MNS1: variants seen among roughly 807,000 people sequenced by gnomAD.
MNS1 encodes the protein meiosis specific nuclear structural 1, also known as meiosis-specific nuclear structural protein 1.
MNS1 carries 63 observed loss-of-function variants against 72.0 expected under a neutral mutation model. The observed-to-expected ratio is 0.87, with a 90% CI of 0.71 to 1.08. The LOEUF (loss-of-function observed/expected upper bound fraction) is 1.08. Ranked by LOEUF, MNS1 falls within the 50% of genes least tolerant of loss-of-function variation. The probability of loss-of-function intolerance (pLI) is 0.00; values close to 1 mark genes in which losing one functional copy is unlikely to be tolerated. For synonymous variants in MNS1, 188 were observed against 172.1 expected (o/e 1.09, Z -0.72); for missense variants, 604 against 562.4 (o/e 1.07, Z -0.75).
intron 3 of MNS1, among the ~76,000 whole-genome samples, chr15:56,452,772 C>T (rs2050956459): frequency 6.6e-6 from 1 of 152,136 alleles, no homozygotes; most frequent in African/African-American, 2.4e-5. Flanking sequence ...CTCACCTCGG[C>T]CTCCCAAAGT....
intron 2 of MNS1, among the ~76,000 whole-genome samples, chr15:56,461,975 G>GTTGTTTTT (rs1555449789): frequency 1.0e-4 from 10 of 97,890 alleles, no homozygotes; most frequent in African/African-American, 3.8e-4. Flanking sequence ...TTTTGTTGTT[G>GTTGTTTTT]TTTTTTTTTT....
At position 56,443,824 on chromosome 15, in the gene MNS1, A is replaced by G. The variant is rs1596262341; in HGVS notation, c.717T>C (p.Asn239=). 1 of 1,604,322 alleles carries G rather than the reference A, an allele frequency of 6.2e-7. No individual in the cohort carries two copies. Among genetic ancestry groups the G allele is most frequent in the Non-Finnish European group, 8.5e-7 (1 of 1,176,796 alleles). Residue 239 remains asparagine, a synonymous_variant, in exon 6 of 10, where the codon AAT becomes AAC. Coordinates refer to ENST00000260453, the MANE Select transcript of MNS1 (RefSeq NM_018365.4). ...LEKQQKLEKM[N]AMRRYIEEFQ... ...ACTCTTCTATATACCTTCGCATTGC[A>G]TTCATTTTTTCTAACTTTTGTTGTT... is the stretch of plus-strand genomic sequence containing the variant.
At chr15:56,463,579 C>A (rs2051036495) in intron 2 of MNS1, among the ~76,000 whole-genome samples, 1 of 151,974 alleles carries the variant, frequency 6.6e-6, no homozygotes, top group Non-Finnish European at 1.5e-5. Context: ...GTTAGGAGTT[C>A]GAGATCAGCC....
At chr15:56,464,943 T>C in intron 1 of MNS1, 27 bp downstream of exon 1, 1 of 1,611,000 alleles carries the variant, frequency 6.2e-7, no homozygotes, top group South Asian at 1.1e-5. Flanking sequence ...AATAAACAAG[T>C]AGTTTCAAGT....
At position 56,447,003 on chromosome 15, in the gene MNS1, C is replaced by G. The variant is rs1182521587; in HGVS notation, c.354-60G>C. On this transcript the variant is annotated intron_variant, in intron 3 of 9. Coordinates refer to ENST00000260453, the MANE Select transcript of MNS1 (RefSeq NM_018365.4). ...GGACCATAAGAGAATGAAAACCTCA[C>G]AGAAAACTGAGTAACTGTATTTTTA... is the stretch of plus-strand genomic sequence containing the variant. 5 of 1,158,188 alleles carry G rather than the reference C, an allele frequency of 4.3e-6. No individual in the cohort carries two copies. In the African/African-American group the frequency reaches 6.1e-5, roughly 14 times the overall value. 71.7% of individuals were successfully genotyped at this position (1,158,188 alleles called of 1,614,324 possible).
intron 7 of MNS1, among the ~76,000 whole-genome samples, chr15:56,441,976 C>A (rs573577279): frequency 1.3e-5 from 2 of 152,024 alleles, no homozygotes; most frequent in Admixed American, 6.6e-5. Context: ...GCCGAGATCA[C>A]GCCACTGCAC....
rs2051043655 is a variant in MNS1, at chr15:56,464,258, A to G, written c.4-11T>C. Reference sequence around the variant, plus strand: ...TCTCCTTTTGGAACCCTACGATGGAAGAAAAAAAAAGATGCATATTTTGAT... The same window carrying G: ...TCTCCTTTTGGAACCCTACGATGGAGGAAAAAAAAAGATGCATATTTTGAT... On this transcript the variant is annotated splice_polypyrimidine_tract_variant and intron_variant, in intron 1 of 9. Coordinates refer to ENST00000260453, the MANE Select transcript of MNS1 (RefSeq NM_018365.4). 2 of 1,537,024 alleles carry G rather than the reference A, an allele frequency of 1.3e-6. No individual in the cohort carries two copies. Among genetic ancestry groups the G allele is most frequent in the Non-Finnish European group, 1.8e-6 (2 of 1,134,342 alleles).
chr15:56,433,479 T>C (rs1281344051), intron 8 of MNS1, among the ~76,000 whole-genome samples: 3 of 152,120 alleles, frequency 2.0e-5, no homozygotes, highest in Non-Finnish European at 4.4e-5. Context: ...GGGGTAGCCT[T>C]AAGTCTTCTC....
chr15:56,460,907 A>C (rs1401251018), intron 2 of MNS1, among the ~76,000 whole-genome samples: 1 of 152,158 alleles, frequency 6.6e-6, no homozygotes, highest in African/African-American at 2.4e-5. Flanking sequence ...AAGTTCTAAG[A>C]TCTGCAAGGT....
chr15:56,443,961 C>T (rs564546961), intron 5 of MNS1, 107 bp from the exon 6 acceptor site: 21 of 861,776 alleles, frequency 2.4e-5, no homozygotes, highest in Middle Eastern at 7.1e-4. Context: ...TTTTTTCATT[C>T]GTGCATGCAA....
In MNS1 at chr15:56,464,015, GT is replaced by G. The variant is rs776250667; in HGVS notation, c.225+10del. 2 of 1,593,660 alleles carry G rather than the reference GT, an allele frequency of 1.3e-6. No individual in the cohort carries two copies. The highest frequency in any genetic ancestry group is 1.4e-5 in the African/African-American group (1 of 73,752). ...ATGAAAAAAAAAGTAACAATGAATAGTAAAACTTACCTTTTGAATGGCCTCT... is the reference window on the plus strand; with the variant it reads ...ATGAAAAAAAAAGTAACAATGAATAGAAAACTTACCTTTTGAATGGCCTCT... On this transcript the variant is annotated intron_variant, in intron 2 of 9. Transcript: ENST00000260453.
Position 56,443,513 on chromosome 15 carries a change from G to A in MNS1, c.928C>T (p.Leu310=). 1 of 1,597,972 alleles carries A rather than the reference G, an allele frequency of 6.3e-7. No individual in the cohort carries two copies. Among genetic ancestry groups the A allele is most frequent in the Non-Finnish European group, 8.5e-7 (1 of 1,175,424 alleles). Residue 310 remains leucine (L), a synonymous_variant, in exon 7 of 10, where the codon CTG becomes TTG. Transcript: ENST00000260453. ...NALTQKLEEM[L]RQREDLEQVR... ...TGTTCCAAATCTTCACGTTGCCGCA[G>A]CATTTCTTCTAATTTCTGTGTCAAC... is the stretch of plus-strand genomic sequence containing the variant.
chr15:56,461,170 G>T (rs1239487658), intron 2 of MNS1, among the ~76,000 whole-genome samples: 7 of 152,092 alleles, frequency 4.6e-5, no homozygotes, highest in Admixed American at 2.0e-4. Context: ...AGGGCAATGT[G>T]CTTTATACTC....
intron 7 of MNS1, among the ~76,000 whole-genome samples, chr15:56,436,174 C>CA (rs1286054812): frequency 6.6e-6 from 1 of 152,122 alleles, no homozygotes; most frequent in Non-Finnish European, 1.5e-5. Context: ...CACCACACCG[C>CA]ACTTATTCCA....
intron 2 of MNS1, 98 bp from the exon 3 acceptor site, chr15:56,456,619 G>T: frequency 8.7e-7 from 1 of 1,147,958 alleles, no homozygotes; most frequent in Non-Finnish European, 1.3e-6. Context: ...ATGCCTTAAG[G>T]CCAACAATTG....
At chr15:56,438,196 T>G (rs2050760877) in intron 7 of MNS1, among the ~76,000 whole-genome samples, 1 of 152,148 alleles carries the variant, frequency 6.6e-6, no homozygotes, top group Non-Finnish European at 1.5e-5. Context: ...GGAGGCATCA[T>G]GCTACCTGAA....
At chr15:56,432,269 T>TA (rs1431899243) in intron 8 of MNS1, among the ~76,000 whole-genome samples, 1 of 152,182 alleles carries the variant, frequency 6.6e-6, no homozygotes, top group Non-Finnish European at 1.5e-5. Context: ...GAAAAATTTA[T>TA]AGTAAATTAA....
chr15:56,460,009 A>AAAAAAAAAAAAAAATATATATATATAT, intron 2 of MNS1, among the ~76,000 whole-genome samples: 3 of 26,386 alleles, frequency 1.1e-4, no homozygotes, highest in African/African-American at 3.0e-4. Flanking sequence ...AAAAAAAAAA[A>AAAAAAAAAAAAAAATATATATATATAT]ATACATATAT....
intron 2 of MNS1, among the ~76,000 whole-genome samples, chr15:56,462,001 T>G (rs1567155379): frequency 1.1e-4 from 15 of 142,588 alleles, no homozygotes; most frequent in African/African-American, 3.1e-4. Context: ...TTTTTTTTTT[T>G]TTTTTTTTTG....
Sources: gnomAD v4.1 joint callset for allele counts (sites outside exome capture counted in the v4.1 genomes callset) on GRCh38, gnomAD v4.1.1 for gene constraint, MANE v1.5 for transcripts, NCBI Gene and HGNC (gene_info 2026-07-23, HGNC 2026-07-21) for gene names.